Variants in RCAN2 observed in about 807,000 individuals in gnomAD.
The protein encoded by RCAN2 is regulator of calcineurin 2, also known as calcipressin-2.
In RCAN2, 9 loss-of-function variants were observed where a neutral mutation model predicts 23.6. The ratio of observed to expected loss-of-function variants is 0.38; its 90% confidence interval spans 0.23 to 0.67. The LOEUF is 0.67. RCAN2 is among the 30% of genes least tolerant of loss of function. The probability of loss-of-function intolerance (pLI) is 0.51; values close to 1 mark genes in which losing one functional copy is unlikely to be tolerated. For missense variants in RCAN2, 273 were observed against 302.3 expected, an observed-to-expected ratio of 0.90 and a Z score of 0.72; for synonymous variants, 109 against 115.7, an observed-to-expected ratio of 0.94 and a Z score of 0.37.
At position 46,299,995 on chromosome 6, in the gene RCAN2, TA is replaced by T. The variant is rs542763422; in HGVS notation, c.226-51100del. Among the ~76,000 whole-genome samples the T allele has an allele frequency of 2.0e-5, 3 of 151,974 alleles. No individual in the cohort carries two copies. The East Asian group carries it at 5.8e-4, about 29-fold the overall frequency. On this transcript the variant is annotated intron_variant, in intron 2 of 4. Coordinates refer to ENST00000371374, the MANE Select transcript of RCAN2 (RefSeq NM_001251974.2). The stretch of plus-strand genomic sequence containing the variant: ...ATATACACGAAGATAAAGTAATTAT[TA>T]AAAGTATATATAGTATGTATATTGT...
chr6:46,410,956 C>T (rs908315713), intron 2 of RCAN2, among the ~76,000 whole-genome samples: 2 of 152,164 alleles, frequency 1.3e-5, no homozygotes, highest in Non-Finnish European at 2.9e-5. Flanking sequence ...GGGAGGGAGG[C>T]AGGTCCAAGT....
intron 2 of RCAN2, among the ~76,000 whole-genome samples, chr6:46,371,066 A>G (rs2150388930): frequency 6.6e-6 from 1 of 152,314 alleles, no homozygotes; most frequent in South Asian, 2.1e-4. Flanking sequence ...TATAGTATGT[A>G]TGTACATTTT....
At chr6:46,457,072 G>T in intron 1 of RCAN2, 94 bp from the exon 2 acceptor site, 1 of 778,082 alleles carries the variant, frequency 1.3e-6, no homozygotes, top group Non-Finnish European at 2.1e-6. Context: ...GGGCAGAACA[G>T]TGGAGTACGA....
At position 46,354,658 on chromosome 6, in the gene RCAN2, G is replaced by A. The variant is rs148272523; in HGVS notation, c.225+102094C>T. Among the ~76,000 whole-genome samples the A allele has an allele frequency of 4.2e-4, 64 of 152,308 alleles. No individual in the cohort carries two copies. The East Asian group carries it at 0.011, about 27-fold the overall frequency. ...GAATCAGTCTCTTTTAAAGCTCCCA[G>A]GTGATAGCAAAGTGAGGCCAATGTA... On this transcript the variant is annotated intron_variant, in intron 2 of 4. Coordinates refer to ENST00000371374, the MANE Select transcript of RCAN2 (RefSeq NM_001251974.2).
intron 2 of RCAN2, among the ~76,000 whole-genome samples, chr6:46,394,222 G>C (rs1404101619): frequency 6.6e-6 from 1 of 152,182 alleles, no homozygotes; most frequent in African/African-American, 2.4e-5. Flanking sequence ...GTCCGTGACA[G>C]GTGGCAGAAT....
intron 2 of RCAN2, among the ~76,000 whole-genome samples, chr6:46,391,126 A>G (rs955911505): frequency 6.6e-6 from 1 of 152,208 alleles, no homozygotes; most frequent in African/African-American, 2.4e-5. Flanking sequence ...GGCAAGTTAT[A>G]CAATTGCCCT....
chr6:46,354,217 G>A (rs1007950281), intron 2 of RCAN2, among the ~76,000 whole-genome samples: 1 of 135,898 alleles, frequency 7.4e-6, no homozygotes, highest in Non-Finnish European at 1.6e-5. Flanking sequence ...GTGTGTGTGT[G>A]TGTGTGTGTG....
chr6:46,326,985 C>G (rs1763813563), intron 2 of RCAN2, among the ~76,000 whole-genome samples: 1 of 152,182 alleles, frequency 6.6e-6, no homozygotes, highest in South Asian at 2.1e-4. Flanking sequence ...GTTCAAGTGG[C>G]ATTTATTTCG....
intron 2 of RCAN2, among the ~76,000 whole-genome samples, chr6:46,280,147 T>C (rs541044315): frequency 2.2e-4 from 33 of 152,252 alleles, no homozygotes; most frequent in South Asian, 1.7e-3. Flanking sequence ...CCAGGAAAGA[T>C]GAAACTCTTG....
chr6:46,276,291 G>T (rs1196948582), intron 2 of RCAN2, among the ~76,000 whole-genome samples: 2 of 152,080 alleles, frequency 1.3e-5, no homozygotes, highest in Admixed American at 6.6e-5. Flanking sequence ...ATCATGAGAG[G>T]TTTCCTCGGA....
intron 2 of RCAN2, among the ~76,000 whole-genome samples, chr6:46,394,854 C>A (rs1468011133): frequency 6.6e-6 from 1 of 152,186 alleles, no homozygotes; most frequent in East Asian, 1.9e-4. Context: ...TTAGTCCAAA[C>A]AAGATGGAAG....
At chr6:46,413,285 G>A (rs1766598367) in intron 2 of RCAN2, among the ~76,000 whole-genome samples, 1 of 152,172 alleles carries the variant, frequency 6.6e-6, no homozygotes. Context: ...GCAGAAGTGT[G>A]CATCTTTTAA....
chr6:46,488,574 G>A (rs1467036886), intron 1 of RCAN2, among the ~76,000 whole-genome samples: 1 of 152,188 alleles, frequency 6.6e-6, no homozygotes, highest in East Asian at 1.9e-4. Flanking sequence ...GAAATGAAGA[G>A]AAGTAAGATC....
At chr6:46,441,663 G>A (rs1182649648) in intron 2 of RCAN2, among the ~76,000 whole-genome samples, 1 of 151,998 alleles carries the variant, frequency 6.6e-6, no homozygotes, top group Non-Finnish European at 1.5e-5. Context: ...ACACAGATGA[G>A]ATTATGGTAT....
chr6:46,447,942 A>T (rs1257515213), intron 2 of RCAN2, among the ~76,000 whole-genome samples: 2 of 151,814 alleles, frequency 1.3e-5, no homozygotes, highest in Non-Finnish European at 3.0e-5. Flanking sequence ...AATTAAAAAG[A>T]AAAGAACAAA....
In RCAN2 at chr6:46,485,042, G is replaced by T. The variant is rs896591139; in HGVS notation, c.-3+6131C>A. On this transcript the variant is annotated intron_variant, in intron 1 of 4. Transcript: ENST00000371374. ...AAAGCAATGTCAGTATACAGAGAAA[G>T]CTTTAAGAAGGTCTATCTGTTTGAG... Among the ~76,000 whole-genome samples, 12 of 152,268 alleles carry T rather than the reference G, an allele frequency of 7.9e-5. No individual in the cohort carries two copies. The East Asian group carries it at 2.1e-3, about 27-fold the overall frequency.
At chr6:46,447,482 T>C (rs949669018) in intron 2 of RCAN2, among the ~76,000 whole-genome samples, 5 of 151,878 alleles carry the variant, frequency 3.3e-5, no homozygotes, top group African/African-American at 9.7e-5. Flanking sequence ...AAACTGCACA[T>C]TAGACCAAAT....
intron 2 of RCAN2, chr6:46,438,260 A>T (rs1202147579): frequency 6.6e-6 from 1 of 152,240 alleles, no homozygotes; most frequent in African/African-American, 2.4e-5. Context: ...ACAAAGAATA[A>T]AAACATCTCT....
At chr6:46,278,032 CAATT>C (rs1206644488) in intron 2 of RCAN2, among the ~76,000 whole-genome samples, 2 of 152,074 alleles carry the variant, frequency 1.3e-5, no homozygotes, top group Non-Finnish European at 2.9e-5. Flanking sequence ...TTGAAAGTCA[CAATT>C]AATTTTCCCT....
Sources: allele counts gnomAD v4.1 joint callset (sites outside exome capture counted in the v4.1 genomes callset), GRCh38; gene constraint gnomAD v4.1.1; transcripts MANE v1.5; gene names NCBI Gene and HGNC (gene_info 2026-07-23, HGNC 2026-07-21).